CEMIP: variants seen among roughly 807,000 people sequenced by gnomAD.
The protein encoded by CEMIP is cell migration inducing hyaluronidase 1.
A neutral mutation model predicts 156.9 loss-of-function variants in CEMIP; 105 were observed. That is an observed-to-expected ratio of 0.67 (90% CI 0.57 to 0.79). The LOEUF (loss-of-function observed/expected upper bound fraction) is 0.79, where lower values mean the gene tolerates loss of function less well. Among genes scored for constraint, CEMIP ranks in the 30% least tolerant of loss-of-function variants. CEMIP has a pLI of 0.00. For synonymous variants in CEMIP, 676 were observed against 668.4 expected (o/e 1.01, Z -0.17); for missense variants, 1,457 against 1,769.4 (o/e 0.82, Z 3.17).
At chr15:80,935,123 G>A (rs568094828) in intron 23 of CEMIP, among the ~76,000 whole-genome samples, 1 of 152,286 alleles carries the variant, frequency 6.6e-6, no homozygotes, top group East Asian at 1.9e-4. Flanking sequence ...GAGCCATGGG[G>A]TGGCTTCTGC....
chr15:80,882,000 C>T (rs1311548728), intron 6 of CEMIP, among the ~76,000 whole-genome samples: 1 of 152,100 alleles, frequency 6.6e-6, no homozygotes, highest in Non-Finnish European at 1.5e-5. Flanking sequence ...CATCCTGGCC[C>T]TTTAGAGGGA....
intron 1 of CEMIP, among the ~76,000 whole-genome samples, chr15:80,797,077 G>A (rs888525828): frequency 1.3e-5 from 2 of 152,280 alleles, no homozygotes; most frequent in Non-Finnish European, 1.5e-5. Flanking sequence ...GATGTCCAGA[G>A]AAGTCTTATT....
intron 12 of CEMIP, among the ~76,000 whole-genome samples, chr15:80,902,043 C>G (rs886653894): frequency 6.6e-6 from 1 of 152,218 alleles, no homozygotes; most frequent in African/African-American, 2.4e-5. Context: ...CAGGCCCCAT[C>G]TCCCTCTCCA....
intron 12 of CEMIP, among the ~76,000 whole-genome samples, chr15:80,900,043 C>A (rs540260616): frequency 6.6e-6 from 1 of 152,246 alleles, no homozygotes; most frequent in African/African-American, 2.4e-5. Flanking sequence ...GGAGGGCATG[C>A]CAGGGAGAGG....
intron 1 of CEMIP, among the ~76,000 whole-genome samples, chr15:80,847,387 G>A (rs1256891214): frequency 6.6e-6 from 1 of 152,184 alleles, no homozygotes; most frequent in Non-Finnish European, 1.5e-5. Flanking sequence ...AGTGAACTTA[G>A]GGCTTTATGG....
intron 14 of CEMIP, among the ~76,000 whole-genome samples, chr15:80,916,229 C>T (rs939269556): frequency 1.3e-5 from 2 of 152,188 alleles, no homozygotes; most frequent in African/African-American, 4.8e-5. Context: ...TGGTTCAGAT[C>T]ATAAACCAAA....
At chr15:80,920,328 T>TG in intron 15 of CEMIP, 29 bp downstream of exon 15, 5 of 1,596,022 alleles carry the variant, frequency 3.1e-6, no homozygotes, top group Non-Finnish European at 4.3e-6. Flanking sequence ...CTCTGTGTGC[T>TG]GGGGGGAAGG....
At chr15:80,804,271 T>C (rs1896454942) in intron 1 of CEMIP, among the ~76,000 whole-genome samples, 1 of 152,238 alleles carries the variant, frequency 6.6e-6, no homozygotes, top group Non-Finnish European at 1.5e-5. Flanking sequence ...TATAGGCTGA[T>C]CCCTGTGACT....
In CEMIP at chr15:80,878,873, C is replaced by T; in HGVS notation, c.241+6C>T. The T allele has an allele frequency of 6.2e-7, 1 of 1,614,144 alleles. No homozygotes were observed. Among genetic ancestry groups the T allele is most frequent in the Non-Finnish European group, 8.5e-7 (1 of 1,180,012 alleles). On this transcript the variant is annotated splice_donor_region_variant and intron_variant, in intron 4 of 29. Coordinates refer to ENST00000394685, the MANE Select transcript of CEMIP (RefSeq NM_001293298.2). ...CATCCACATCTCAGAGGGAGGTAAGCCAATCTCTCTCTGCTGCTCCCTCTT... is the reference window on the plus strand; with the variant it reads ...CATCCACATCTCAGAGGGAGGTAAGTCAATCTCTCTCTGCTGCTCCCTCTT...
chr15:80,924,805 G>A, intron 18 of CEMIP, 99 bp downstream of exon 18: 1 of 1,080,024 alleles, frequency 9.3e-7, no homozygotes, highest in Non-Finnish European at 1.4e-6. Context: ...AGCATCTGTT[G>A]AGCCCTTGCT....
chr15:80,811,198 A>C (rs1896664384), intron 1 of CEMIP, among the ~76,000 whole-genome samples: 1 of 152,194 alleles, frequency 6.6e-6, no homozygotes, highest in Non-Finnish European at 1.5e-5. Context: ...TAGGAGCCCA[A>C]AGTCGGGTAG....
chr15:80,871,494 C>T (rs942789594), intron 1 of CEMIP, among the ~76,000 whole-genome samples: 5 of 152,154 alleles, frequency 3.3e-5, no homozygotes, highest in Non-Finnish European at 5.9e-5. Context: ...CACTAACCTC[C>T]CCACTCGGTA....
chr15:80,798,971 A>G (rs1032204239), intron 1 of CEMIP, among the ~76,000 whole-genome samples: 3 of 152,202 alleles, frequency 2.0e-5, no homozygotes, highest in Admixed American at 6.5e-5. Flanking sequence ...TCAATTTACT[A>G]ACTTGCTATC....
rs116902615 is a variant in CEMIP, at chr15:80,868,482, G to A, written c.-175-5056G>A. 1.5e-3 allele frequency among the ~76,000 whole-genome samples: 228 copies of A among 152,206 alleles called. 2 individuals carry two copies. The highest frequency in any genetic ancestry group is 0.014 in the Middle Eastern group (4 of 294). ...CCTCAGCCCCCACCCCAGACCTACC[G>A]AATCAGAATCTGCATTTCTTGGCAA... On this transcript the variant is annotated intron_variant, in intron 1 of 29. Coordinates refer to ENST00000394685, the MANE Select transcript of CEMIP (RefSeq NM_001293298.2).
At chr15:80,871,066 GGAAT>G (rs1167074544) in intron 1 of CEMIP, among the ~76,000 whole-genome samples, 4 of 152,178 alleles carry the variant, frequency 2.6e-5, no homozygotes, top group African/African-American at 9.7e-5. Flanking sequence ...GCTAAGAAGC[GGAAT>G]CCCAGTTCTT....
chr15:80,844,486 G>A (rs754562721), intron 1 of CEMIP, among the ~76,000 whole-genome samples: 3 of 152,160 alleles, frequency 2.0e-5, no homozygotes, highest in Non-Finnish European at 4.4e-5. Context: ...CTTTCTCTGG[G>A]GTTTTTGGGT....
intron 13 of CEMIP, among the ~76,000 whole-genome samples, chr15:80,908,136 G>T (rs887161817): frequency 6.6e-6 from 1 of 152,164 alleles, no homozygotes; most frequent in Non-Finnish European, 1.5e-5. Flanking sequence ...TATAGGGTGG[G>T]GCAGAGGTGA....
chr15:80,828,384 GAA>G (rs71975281), intron 1 of CEMIP, among the ~76,000 whole-genome samples: 1 of 140,330 alleles, frequency 7.1e-6, no homozygotes, highest in African/African-American at 2.6e-5. Flanking sequence ...TGTCTCAAAA[GAA>G]AAAAAAAAAA....
chr15:80,853,609 A>G (rs1390914714), intron 1 of CEMIP, among the ~76,000 whole-genome samples: 1 of 152,142 alleles, frequency 6.6e-6, no homozygotes, highest in Non-Finnish European at 1.5e-5. Context: ...CATGGATCTC[A>G]TAGTAAGAGG....
Sources: allele counts gnomAD v4.1 joint callset (sites outside exome capture counted in the v4.1 genomes callset), GRCh38; gene constraint gnomAD v4.1.1; transcripts MANE v1.5; gene names NCBI Gene and HGNC (gene_info 2026-07-23, HGNC 2026-07-21).